NRXN3: variants seen among roughly 807,000 people sequenced by gnomAD.
The protein encoded by NRXN3 is neurexin III.
Under a neutral mutation model 137.6 loss-of-function variants are expected in NRXN3, and 32 were observed. The ratio of observed to expected loss-of-function variants is 0.23; its 90% confidence interval spans 0.18 to 0.31. NRXN3 has a LOEUF of 0.31. NRXN3 is among the 10% of genes least tolerant of loss of function. NRXN3 has a pLI of 1.00. For missense variants in NRXN3, 1,574 were observed against 2,062.5 expected, an observed-to-expected ratio of 0.76 and a Z score of 4.59; for synonymous variants, 798 against 784.5, an observed-to-expected ratio of 1.02 and a Z score of -0.29.
At chr14:78,377,278 A>G (rs1260071148) in intron 4 of NRXN3, among the ~76,000 whole-genome samples, 3 of 152,246 alleles carry the variant, frequency 2.0e-5, no homozygotes, top group Non-Finnish European at 2.9e-5. Context: ...AATATCACAT[A>G]GACTTTAGAG....
At position 78,829,128 on chromosome 14, in the gene NRXN3, G is replaced by A. The variant is rs564763967; in HGVS notation, c.2275+18784G>A. Among the ~76,000 whole-genome samples the A allele has an allele frequency of 2.0e-4, 31 of 152,244 alleles. 1 individual carries two copies. The highest frequency in any genetic ancestry group is 1.7e-3 in the Admixed American group (26 of 15,290). ...GAAGACACCAGTACGGTTGAGAAGG[G>A]AAAGGGACTGTTATCTCTATCTTGA... On this transcript the variant is annotated intron_variant, in intron 10 of 20. Transcript: ENST00000335750.
chr14:79,249,639 G>A (rs895199608), intron 15 of NRXN3, among the ~76,000 whole-genome samples: 2 of 152,162 alleles, frequency 1.3e-5, no homozygotes, highest in African/African-American at 2.4e-5. Flanking sequence ...ACACATCAGG[G>A]AGGGTTCTGG....
chr14:78,322,453 C>T (rs1266174591), intron 4 of NRXN3, among the ~76,000 whole-genome samples: 1 of 151,946 alleles, frequency 6.6e-6, no homozygotes, highest in Non-Finnish European at 1.5e-5. Context: ...AATGTTGTAG[C>T]CTTATTTAAT....
chr14:79,134,835 G>A (rs1426553476), intron 15 of NRXN3, among the ~76,000 whole-genome samples: 4 of 152,148 alleles, frequency 2.6e-5, no homozygotes, highest in African/African-American at 9.6e-5. Flanking sequence ...GTCTTTCCCA[G>A]ACTGATTCTC....
chr14:78,826,930 C>T (rs2098968295), intron 10 of NRXN3, among the ~76,000 whole-genome samples: 1 of 152,120 alleles, frequency 6.6e-6, no homozygotes, highest in African/African-American at 2.4e-5. Flanking sequence ...TTCTGAATGT[C>T]AACGTTTAAG....
rs190136206 is a variant in NRXN3 at position 79,009,544 on chromosome 14, G to C, written c.3262+21403G>C. Among the ~76,000 whole-genome samples the C allele has an allele frequency of 9.9e-5, 15 of 151,540 alleles. 1 individual carries two copies. The East Asian group carries it at 2.9e-3, about 29-fold the overall frequency. On this transcript the variant is annotated intron_variant, in intron 15 of 20. Transcript: ENST00000335750. Reference sequence around the variant, plus strand: ...CCTCAAGTCTATAGGGAGGTGCTGTGGGGGAGTTTTCTCATTTTCCAGAAT... The same window carrying C: ...CCTCAAGTCTATAGGGAGGTGCTGTCGGGGAGTTTTCTCATTTTCCAGAAT...
At chr14:79,160,318 T>C (rs1488498423) in intron 15 of NRXN3, among the ~76,000 whole-genome samples, 2 of 152,008 alleles carry the variant, frequency 1.3e-5, no homozygotes, top group African/African-American at 4.8e-5. Flanking sequence ...GTCCTTTCTC[T>C]GACCTGGATT....
rs766733888 is a variant in NRXN3, at chr14:78,957,348, T to A, written c.2382T>A (p.Asp794Glu). ...AAAGCCTTAAGTTAACCGTGGATGATGATGTGGCTGAGGGTGAGTATGACT... is the reference window on the plus strand; with the variant it reads ...AAAGCCTTAAGTTAACCGTGGATGAAGATGTGGCTGAGGGTGAGTATGACT... ...RGKSLKLTVD[D>E]DVAEGTMVGD... Residue 794 changes from aspartate (D) to glutamate (E), a missense_variant, in exon 11 of 21, where the codon GAT becomes GAA. Physicochemically the swap from Asp to Glu is conservative, Grantham distance 45. Transcript: ENST00000335750. 3.6e-5 allele frequency: 58 copies of A among 1,613,936 alleles called. No individual in the cohort carries two copies. The highest frequency in any genetic ancestry group is 3.3e-4 in the Admixed American group (20 of 59,966).
chr14:78,784,064 GAAAA>G (rs11288913), intron 8 of NRXN3, among the ~76,000 whole-genome samples: 24 of 98,304 alleles, frequency 2.4e-4, no homozygotes, highest in African/African-American at 5.2e-4. Flanking sequence ...TAACACATGA[GAAAA>G]AAAAAAAAAA....
chr14:79,827,537 G>A (rs533606833), intron 20 of NRXN3, among the ~76,000 whole-genome samples: 81 of 152,198 alleles, frequency 5.3e-4, no homozygotes, highest in Non-Finnish European at 9.1e-4. Flanking sequence ...AAGAAAAGAC[G>A]TTTAATTCGC....
intron 15 of NRXN3, among the ~76,000 whole-genome samples, chr14:79,185,395 G>T (rs1186210440): frequency 6.6e-6 from 1 of 151,480 alleles, no homozygotes; most frequent in Non-Finnish European, 1.5e-5. Flanking sequence ...CATTCTAATT[G>T]TAAAAGATTC....
chr14:79,552,131 C>T (rs1053868487), intron 16 of NRXN3, among the ~76,000 whole-genome samples: 5 of 152,158 alleles, frequency 3.3e-5, no homozygotes, highest in Admixed American at 6.5e-5. Context: ...TTGTTGTTTT[C>T]AATTTGTTTA....
chr14:79,298,364 C>T (rs945425076), intron 15 of NRXN3, among the ~76,000 whole-genome samples: 4 of 151,970 alleles, frequency 2.6e-5, no homozygotes, highest in Non-Finnish European at 5.9e-5. Context: ...AAAGCAAATC[C>T]TTTCACTGCT....
At chr14:79,227,040 G>A (rs1257314203) in intron 15 of NRXN3, among the ~76,000 whole-genome samples, 6 of 151,750 alleles carry the variant, frequency 4.0e-5, no homozygotes, top group Non-Finnish European at 5.9e-5. Flanking sequence ...GGCTGCTCTT[G>A]AACTCCTGAC....
At chr14:79,187,289 G>A (rs986375625) in intron 15 of NRXN3, among the ~76,000 whole-genome samples, 4 of 152,160 alleles carry the variant, frequency 2.6e-5, no homozygotes, top group South Asian at 2.1e-4. Context: ...GCATTGTATT[G>A]TTATTTTTAT....
At chr14:78,870,460 G>T (rs1215828520) in intron 10 of NRXN3, among the ~76,000 whole-genome samples, 2 of 152,118 alleles carry the variant, frequency 1.3e-5, no homozygotes, top group Non-Finnish European at 2.9e-5. Context: ...CCTGCCATGT[G>T]TAATGATCAA....
intron 6 of NRXN3, chr14:78,708,673 C>T (rs1594998226): frequency 1.3e-5 from 2 of 153,200 alleles, no homozygotes; most frequent in African/African-American, 4.8e-5. Context: ...CCCCCACGCC[C>T]CCACACTTTT....
At chr14:79,708,005 A>G (rs1020195757) in intron 19 of NRXN3, among the ~76,000 whole-genome samples, 6 of 152,100 alleles carry the variant, frequency 3.9e-5, no homozygotes, top group African/African-American at 1.4e-4. Flanking sequence ...CATAATATAA[A>G]TAATATTTTT....
chr14:78,415,227 G>A (rs2093062447), intron 4 of NRXN3, among the ~76,000 whole-genome samples: 1 of 152,160 alleles, frequency 6.6e-6, no homozygotes, highest in Non-Finnish European at 1.5e-5. Flanking sequence ...TCATATGGAT[G>A]AGATGACAGC....
Sources: allele counts gnomAD v4.1 joint callset (sites outside exome capture counted in the v4.1 genomes callset), GRCh38; gene constraint gnomAD v4.1.1; transcripts MANE v1.5; gene names NCBI Gene and HGNC (gene_info 2026-07-23, HGNC 2026-07-21).